Variants in ELOA observed in about 807,000 individuals in gnomAD.
ELOA encodes the protein elongin A.
In ELOA, 15 loss-of-function variants were observed where a neutral mutation model predicts 85.2. The ratio of observed to expected loss-of-function variants is 0.18; its 90% CI spans 0.12 to 0.27. The LOEUF (loss-of-function observed/expected upper bound fraction) is 0.27, where lower values mean the gene tolerates loss of function less well. Among genes scored for constraint, ELOA ranks in the 10% least tolerant of loss-of-function variants. ELOA has a pLI of 1.00. For synonymous variants in ELOA, 348 were observed against 357.2 expected (o/e 0.97, Z 0.29); for missense variants, 769 against 952.7 (o/e 0.81, Z 2.54).
rs147846325 is a variant in ELOA at position 23,750,901 on chromosome 1, G to A, written c.296G>A (p.Arg99Gln). Residue 99 changes from arginine (R) to glutamine (Q), a missense_variant, in exon 4 of 11, where the codon CGG (arginine) becomes CAG (glutamine). Coordinates refer to ENST00000613537, the MANE Select transcript of ELOA (RefSeq NM_003198.3). ...FEKSNSRKRPRDALQKEEEME... is the reference protein window; with the variant it reads ...FEKSNSRKRPQDALQKEEEME... ...AAGAGCAATTCCCGAAAGCGCCCTC[G>A]GGATGCCCTGCAGAAGGAGGAGGAG... is the stretch of plus-strand genomic sequence containing the variant. The A allele has an allele frequency of 5.2e-5, 83 of 1,611,306 alleles. No homozygotes were observed. The highest frequency in any genetic ancestry group is 1.7e-4 in the Middle Eastern group (1 of 6,032).
intron 5 of ELOA, among the ~76,000 whole-genome samples, chr1:23,753,060 G>A (rs1199504385): frequency 3.3e-5 from 5 of 152,222 alleles, no homozygotes; most frequent in Admixed American, 6.5e-5. Context: ...TGAGGTGGGA[G>A]TATCACTTGA....
Position 23,751,303 on chromosome 1 carries a change from C to T in ELOA, c.698C>T (p.Pro233Leu). ...AGCCAAGAACGACACCTGGGTGAAC[C>T]CCATGGGAAAGGGGTTGTGAGTCAA... is the stretch of plus-strand genomic sequence containing the variant. ...GASQERHLGE[P>L]HGKGVVSQNK... The change falls in exon 4 of 11, where the codon CCC becomes CTC. Residue 233 changes from proline (P) to leucine (L), a missense_variant. This residue lies in a region of ELOA where 440 missense variants were observed against 474.0 expected (regional missense o/e 0.93). Transcript: ENST00000613537. 2 of 1,614,148 alleles carry T rather than the reference C, an allele frequency of 1.2e-6. No individual in the cohort carries two copies. Among genetic ancestry groups the T allele is most frequent in the Non-Finnish European group, 1.7e-6 (2 of 1,180,044 alleles).
rs1272969559 is a variant in ELOA, at chr1:23,761,257, CT to C, written c.*1685del. 1 of 152,268 alleles carries C rather than the reference CT, an allele frequency of 6.6e-6. No individual in the cohort carries two copies. The highest frequency in any genetic ancestry group is 2.4e-5 in the African/African-American group (1 of 41,552). The allele number at this position is 152,268 out of a possible 1,614,324, so 9.4% of individuals were successfully genotyped here. ...GGTTACTTGTACCACCATTCCACCC[CT>C]ATCCCTAGCCTGCCCCACAAATCTA... is the stretch of plus-strand genomic sequence containing the variant. On this transcript the variant is annotated 3_prime_UTR_variant, in exon 11 of 11. Transcript: ENST00000613537.
chr1:23,750,678 A>G (rs1469100637), intron 3 of ELOA, among the ~76,000 whole-genome samples, 167 bp from the exon 4 acceptor site: 2 of 152,178 alleles, frequency 1.3e-5, no homozygotes, highest in East Asian at 3.9e-4. Flanking sequence ...GGGTTTTCCC[A>G]GTTTTAAGAT....
chr1:23,755,265 C>T (rs1318231467), intron 7 of ELOA, among the ~76,000 whole-genome samples: 1 of 152,132 alleles, frequency 6.6e-6, no homozygotes, highest in African/African-American at 2.4e-5. Flanking sequence ...GATCGCAGTT[C>T]TACCCTTTGC....
rs1260456757 is a variant in ELOA, at chr1:23,756,401, T to G, written c.2084+16T>G. The G allele has an allele frequency of 1.3e-6, 2 of 1,552,852 alleles. No individual in the cohort carries two copies. The highest frequency in any genetic ancestry group is 1.7e-6 in the Non-Finnish European group (2 of 1,146,834). On this transcript the variant is annotated intron_variant, in intron 9 of 10. Transcript: ENST00000613537. ...AGAAAATCAAGTAAGATCTGTGTTC[T>G]TACCTGGCTTTTGTGTGCTATCAAC...
At chr1:23,745,453 C>T (rs771475632) in intron 1 of ELOA, among the ~76,000 whole-genome samples, 3 of 150,870 alleles carry the variant, frequency 2.0e-5, no homozygotes, top group Non-Finnish European at 4.4e-5. Flanking sequence ...AGTTGATTTG[C>T]ATGAAATACA....
chr1:23,758,246 AATTT>A (rs1224791949), intron 10 of ELOA, among the ~76,000 whole-genome samples: 777 of 66,952 alleles, frequency 0.012, 20 homozygotes, highest in African/African-American at 0.024. Context: ...TGGGTCTTCC[AATTT>A]ATTTATTTAT....
rs770709358 is a variant in ELOA at position 23,751,472 on chromosome 1, A to C, written c.867A>C (p.Ala289=). The C allele has an allele frequency of 6.2e-7, 1 of 1,614,074 alleles. No homozygotes were observed. Among genetic ancestry groups the C allele is most frequent in the Non-Finnish European group, 8.5e-7 (1 of 1,180,030 alleles). The change falls in exon 4 of 11, where the codon GCA becomes GCC. Residue 289 remains alanine (A), a synonymous_variant. Transcript: ENST00000613537. The part of the protein sequence containing the change: ...ENRRPPSGDN[A]REKPPSSGVK... ...GAAGGCCACCCTCAGGGGACAATGCAAGGGAGAAACCGCCCTCTAGTGGCG... is the reference window on the plus strand; with the variant it reads ...GAAGGCCACCCTCAGGGGACAATGCCAGGGAGAAACCGCCCTCTAGTGGCG...
Position 23,759,697 on chromosome 1 carries a change from C to G in ELOA, c.*124C>G. ...TGTGGATCCTTTTGGTCTCCGAGTC[C>G]TGCAGTCTGCAGGTGCTGCCCCTGG... On this transcript the variant is annotated 3_prime_UTR_variant, in exon 11 of 11. Transcript: ENST00000613537. The G allele has an allele frequency of 9.1e-7, 1 of 1,101,822 alleles. No individual in the cohort carries two copies. The highest frequency in any genetic ancestry group is 1.3e-6 in the Non-Finnish European group (1 of 742,984). 68.3% of individuals were successfully genotyped at this position (1,101,822 alleles called of 1,614,324 possible).
In ELOA at chr1:23,759,821, A is replaced by G. The variant is rs1638266262; in HGVS notation, c.*248A>G. 1.9e-6 allele frequency: 1 copy of G among 514,570 alleles called. No homozygotes were observed. Among genetic ancestry groups the G allele is most frequent in the African/African-American group, 1.9e-5 (1 of 52,132 alleles). The allele number at this position is 514,570 out of a possible 1,614,324, so 31.9% of individuals were successfully genotyped here. On this transcript the variant is annotated 3_prime_UTR_variant, in exon 11 of 11. Transcript: ENST00000613537. ...TCACTGAGGATTTTAAAGGTCAATT[A>G]TACTTTTGTTGTTCATTAGCATCTT...
At chr1:23,756,128 C>T in intron 8 of ELOA, 105 bp downstream of exon 8, 1 of 1,472,888 alleles carries the variant, frequency 6.8e-7, no homozygotes, top group South Asian at 1.3e-5. Context: ...GCCCCTACAT[C>T]AGGTAGCAGG....
At position 23,759,565 on chromosome 1, in the gene ELOA, C is replaced by T; in HGVS notation, c.2311C>T (p.Arg771Ter). 4 of 1,614,114 alleles carry T rather than the reference C, an allele frequency of 2.5e-6. No homozygotes were observed. Among genetic ancestry groups the T allele is most frequent in the Non-Finnish European group, 2.5e-6 (3 of 1,180,008 alleles). ...TIKAFKNRFSRR is the reference protein window; with the variant it reads ...TIKAFKNRFS ...TAAAGCTTTCAAGAACAGATTCTCC[C>T]GACGATAAACTGAGGACTTGCCTTG... Residue 771 changes from arginine to a stop codon, truncating the protein, a stop_gained, in exon 11 of 11, where the codon CGA becomes TGA. Transcript: ENST00000613537. LOFTEE classifies it high-confidence loss of function.
At chr1:23,756,216 T>C in intron 8 of ELOA, 58 bp from the exon 9 acceptor site, 1 of 1,491,772 alleles carries the variant, frequency 6.7e-7, no homozygotes, top group Non-Finnish European at 9.0e-7. Flanking sequence ...GTGGATTATT[T>C]AAATAACAGT....
chr1:23,759,480 C>T (rs753379882), intron 10 of ELOA, 32 bp from the exon 11 acceptor site: 42 of 1,613,636 alleles, frequency 2.6e-5, no homozygotes, highest in Non-Finnish European at 3.6e-5. Context: ...CGCCACAGAT[C>T]TGAGACAGCT....
chr1:23,743,860 G>T (rs1298265632), intron 1 of ELOA, among the ~76,000 whole-genome samples: 3 of 152,160 alleles, frequency 2.0e-5, no homozygotes, highest in African/African-American at 2.4e-5. Context: ...TCCCAGAGGC[G>T]CTCCGTGGCG....
rs1644793197 is a variant in ELOA, at chr1:23,756,031, A to G, written c.1972+8A>G. On this transcript the variant is annotated splice_region_variant and intron_variant, in intron 8 of 10. Transcript: ENST00000613537. ...ATGCCAATAAGCCCAAAGGTAACAGAGACGGGAGAGCTGGGGGAGAACTGG... is the reference window on the plus strand; with the variant it reads ...ATGCCAATAAGCCCAAAGGTAACAGGGACGGGAGAGCTGGGGGAGAACTGG... The G allele has an allele frequency of 1.2e-6, 2 of 1,610,120 alleles. No homozygotes were observed. Among genetic ancestry groups the G allele is most frequent in the Admixed American group, 3.4e-5 (2 of 59,042 alleles).
chr1:23,754,283 C>G, intron 6 of ELOA, 28 bp downstream of exon 6: 1 of 1,614,102 alleles, frequency 6.2e-7, no homozygotes, highest in Non-Finnish European at 8.5e-7. Flanking sequence ...CTCTAGCTCT[C>G]AAGCACATTG....
chr1:23,758,304 C>T (rs570149187), intron 10 of ELOA, among the ~76,000 whole-genome samples: 4 of 85,266 alleles, frequency 4.7e-5, no homozygotes, highest in Non-Finnish European at 6.5e-5. Flanking sequence ...GACAGAGTCT[C>T]ACTCTGTCGC....
Sources: allele counts gnomAD v4.1 joint callset (sites outside exome capture counted in the v4.1 genomes callset), GRCh38; gene constraint gnomAD v4.1.1; regional missense constraint gnomAD v4.1.1; transcripts MANE v1.5; gene names NCBI Gene and HGNC (gene_info 2026-07-23, HGNC 2026-07-21).